Variants in ANKRD18B observed in about 807,000 individuals in gnomAD.
ANKRD18B encodes ankyrin repeat domain 18B.
ANKRD18B carries 75 observed loss-of-function variants against 111.8 expected under a neutral mutation model. The observed-to-expected ratio is 0.67, with a 90% CI of 0.56 to 0.81. The LOEUF is 0.81. ANKRD18B is among the 40% of genes least tolerant of loss of function. The pLI is 0.00. For missense variants in ANKRD18B, 1,038 were observed against 1,225.5 expected (o/e 0.85, Z 2.28); for synonymous variants, 356 against 417.3 (o/e 0.85, Z 1.79).
At chr9:33,566,631 GAA>G (rs1253141202) in intron 15 of ANKRD18B, 131 bp downstream of exon 15, 1 of 1,103,586 alleles carries the variant, frequency 9.1e-7, no homozygotes, top group Non-Finnish European at 1.2e-6. Flanking sequence ...TAGAGCTCTA[GAA>G]AAAAGTGACG....
chr9:33,553,271 G>C (rs989430094), intron 12 of ANKRD18B, among the ~76,000 whole-genome samples: 1 of 152,036 alleles, frequency 6.6e-6, no homozygotes, highest in African/African-American at 2.4e-5. Flanking sequence ...TGGAGGCTGT[G>C]GTAGGAGGGT....
Position 33,568,673 on chromosome 9 carries a change from C to T in ANKRD18B, c.2957C>T (p.Ser986Leu), listed in dbSNP as rs959857710. The T allele has an allele frequency of 7.2e-6, 11 of 1,533,552 alleles. No individual in the cohort carries two copies. In the African/African-American group the frequency reaches 1.3e-4, roughly 17 times the overall value. 95.0% of individuals were successfully genotyped at this position (1,533,552 alleles called of 1,614,324 possible). A position where few individuals can be genotyped will look rare whatever the true frequency, so the allele number is the denominator to read the frequency against. ...NSSMSEKITK[S>L]DKKIAVISTK... ...ATTTGTCTTTGCTCTCTTTACAGAT[C>T]GGATAAGAAAATAGCTGTGATCAGC... Residue 986 changes from serine to leucine, a missense_variant and splice_region_variant, in exon 17 of 19, where the codon TCG (serine) becomes TTG (leucine). By Grantham distance (145) the Ser-to-Leu change is moderately radical. Around this residue, in one of 4 missense-constraint regions of ANKRD18B, gnomAD observed 524 missense variants for 677.9 expected, o/e 0.77. Coordinates refer to ENST00000684830, the MANE Select transcript of ANKRD18B (RefSeq NM_001393611.1).
At chr9:33,568,528 T>G in intron 16 of ANKRD18B, 143 bp from the exon 17 acceptor site, 1 of 651,770 alleles carries the variant, frequency 1.5e-6, no homozygotes, top group East Asian at 2.8e-5. Context: ...ACAAGAGGTA[T>G]GCTCTCACAC....
intron 14 of ANKRD18B, among the ~76,000 whole-genome samples, chr9:33,563,282 C>A (rs1828633656): frequency 6.6e-6 from 1 of 152,150 alleles, no homozygotes; most frequent in South Asian, 2.1e-4. Context: ...TTATTTTGTT[C>A]ATGAACCTGT....
At chr9:33,530,123 G>C (rs1239513856) in intron 3 of ANKRD18B, among the ~76,000 whole-genome samples, 1 of 152,114 alleles carries the variant, frequency 6.6e-6, no homozygotes, top group Non-Finnish European at 1.5e-5. Context: ...CACATCCCAA[G>C]TTGATAAAGG....
intron 11 of ANKRD18B, among the ~76,000 whole-genome samples, chr9:33,549,166 C>A (rs1828412214): frequency 6.6e-6 from 1 of 152,156 alleles, no homozygotes; most frequent in Admixed American, 6.6e-5. Flanking sequence ...TACTAAAAAT[C>A]TTTGAACTGT....
intron 8 of ANKRD18B, 104 bp from the exon 9 acceptor site, chr9:33,541,043 G>T (rs1828270966): frequency 1.4e-6 from 2 of 1,388,622 alleles, no homozygotes; most frequent in African/African-American, 2.9e-5. Context: ...CTAATGGGTA[G>T]GATTTAGGGT....
intron 12 of ANKRD18B, among the ~76,000 whole-genome samples, chr9:33,553,662 C>T (rs1193909433): frequency 6.6e-6 from 1 of 152,050 alleles, no homozygotes; most frequent in Non-Finnish European, 1.5e-5. Flanking sequence ...TTGAGTGTCC[C>T]CCAAAAGGAA....
intron 3 of ANKRD18B, among the ~76,000 whole-genome samples, chr9:33,532,111 G>A (rs1464971114): frequency 1.3e-5 from 2 of 152,098 alleles, no homozygotes; most frequent in Admixed American, 1.3e-4. Flanking sequence ...GCAGGTGCCT[G>A]TAGTTCCAGC....
chr9:33,552,971 A>C (rs1431414464), intron 12 of ANKRD18B, among the ~76,000 whole-genome samples: 2 of 152,008 alleles, frequency 1.3e-5, no homozygotes, highest in African/African-American at 4.8e-5. Context: ...GACACGGAAA[A>C]TTAATTTGCT....
intron 8 of ANKRD18B, 141 bp downstream of exon 8, chr9:33,540,353 T>C (rs890491487): frequency 1.3e-5 from 2 of 152,308 alleles, no homozygotes; most frequent in African/African-American, 4.8e-5. Flanking sequence ...CAGCCCTTTC[T>C]GTAATATTTT....
At position 33,533,582 on chromosome 9, in the gene ANKRD18B, A is replaced by G. The variant is rs780199556; in HGVS notation, c.602+37A>G. ...TTTGTTTTCTGTTTTCTTTTTTCCT[A>G]AAAACCTGAGTGTTCTAGAGTGGTA... On this transcript the variant is annotated intron_variant, in intron 4 of 18. Transcript: ENST00000684830. 11 of 1,524,876 alleles carry G rather than the reference A, an allele frequency of 7.2e-6. No homozygotes were observed. The South Asian group carries it at 1.4e-4, about 20-fold the overall frequency. The allele number at this position is 1,524,876 out of a possible 1,614,324, so 94.5% of individuals were successfully genotyped here. A position where few individuals can be genotyped will look rare whatever the true frequency, so the allele number is the denominator to read the frequency against.
chr9:33,544,618 A>G (rs985483553), intron 10 of ANKRD18B, among the ~76,000 whole-genome samples: 13 of 152,074 alleles, frequency 8.5e-5, no homozygotes, highest in Admixed American at 6.6e-4. Context: ...CAGGCAGATC[A>G]TGTGAGGTCA....
chr9:33,558,377 G>C (rs1686920898), intron 14 of ANKRD18B, among the ~76,000 whole-genome samples, 190 bp downstream of exon 14: 1 of 152,030 alleles, frequency 6.6e-6, no homozygotes, highest in Non-Finnish European at 1.5e-5. Flanking sequence ...AAGCCCCAGT[G>C]TTTGTTGTTC....
At position 33,555,755 on chromosome 9, in the gene ANKRD18B, A is replaced by G; in HGVS notation, c.2265A>G (p.Ser755=). Reference sequence around the variant, plus strand: ...TCAGAAAAGTTTTTGAATTAATATCATTACTGAACTATACTGCGGATCAAA... The same window carrying G: ...TCAGAAAAGTTTTTGAATTAATATCGTTACTGAACTATACTGCGGATCAAA... The part of the protein sequence containing the change: ...EEFRKVFELI[S]LLNYTADQIR... Residue 755 remains serine (S), a synonymous_variant, in exon 13 of 19, where the codon TCA becomes TCG. Coordinates refer to ENST00000684830, the MANE Select transcript of ANKRD18B (RefSeq NM_001393611.1). 7.0e-7 allele frequency: 1 copy of G among 1,422,296 alleles called. No homozygotes were observed. Among genetic ancestry groups the G allele is most frequent in the Non-Finnish European group, 9.2e-7 (1 of 1,088,966 alleles). 88.1% of individuals were successfully genotyped at this position (1,422,296 alleles called of 1,614,324 possible).
In ANKRD18B at chr9:33,548,796, G is replaced by T; in HGVS notation, c.2008G>T (p.Glu670Ter). ...LEERNKELMN[E>*]YNYLKEKLLQ... ...AGAAAGAAATAAGGAATTAATGAAT[G>T]AATATAATTATTTAAAAGAAAAACT... The change falls in exon 11 of 19, where the codon GAA becomes TAA. Residue 670 changes from glutamate (E) to a stop codon, truncating the protein, a stop_gained. Transcript: ENST00000684830. LOFTEE classifies it high-confidence loss of function. 2 of 1,525,262 alleles carry T rather than the reference G, an allele frequency of 1.3e-6. No homozygotes were observed. The highest frequency in any genetic ancestry group is 1.8e-6 in the Non-Finnish European group (2 of 1,136,796). 94.5% of individuals were successfully genotyped at this position (1,525,262 alleles called of 1,614,324 possible).
chr9:33,569,707 A>C (rs1788621069), intron 17 of ANKRD18B, among the ~76,000 whole-genome samples: 1 of 152,204 alleles, frequency 6.6e-6, no homozygotes, highest in Admixed American at 6.5e-5. Flanking sequence ...ATTAAATAAA[A>C]CACTGAAAGT....
At chr9:33,566,120 T>G in intron 14 of ANKRD18B, 99 bp from the exon 15 acceptor site, 1 of 1,068,610 alleles carries the variant, frequency 9.4e-7, no homozygotes, top group African/African-American at 1.6e-5. Flanking sequence ...TAGATAACAT[T>G]TTATTGCAAG....
chr9:33,573,424 G>T, downstream of ANKRD18B: 1 of 534,298 alleles, frequency 1.9e-6, no homozygotes. Context: ...TCTGTGGGAA[G>T]GGCCCTGGGA....
Sources: allele counts gnomAD v4.1 joint callset (sites outside exome capture counted in the v4.1 genomes callset), GRCh38; gene constraint gnomAD v4.1.1; regional missense constraint gnomAD v4.1.1; transcripts MANE v1.5; gene names NCBI Gene and HGNC (gene_info 2026-07-23, HGNC 2026-07-21).